DCT: variants seen among roughly 807,000 people sequenced by gnomAD.
DCT encodes the protein L-dopachrome tautomerase.
In DCT, 47 loss-of-function variants were observed where a neutral mutation model predicts 53.0. The ratio of observed to expected loss-of-function variants is 0.89; its 90% CI spans 0.70 to 1.13. The LOEUF (loss-of-function observed/expected upper bound fraction) is 1.13, where lower values mean the gene tolerates loss of function less well. DCT is among the 50% of genes most tolerant of loss of function. DCT has a pLI of 0.00. For synonymous variants in DCT, 244 were observed against 237.0 expected, an observed-to-expected ratio of 1.03 and a Z score of -0.27; for missense variants, 669 against 637.4, an observed-to-expected ratio of 1.05 and a Z score of -0.53.
chr13:94,542,893 G>A, the DCT span, among the ~76,000 whole-genome samples: 1 of 152,130 alleles, frequency 6.6e-6, no homozygotes, highest in Middle Eastern at 3.4e-3. Flanking sequence ...ATGTTGCCAA[G>A]GACACAGTTT....
chr13:94,521,813 G>A, the DCT span, among the ~76,000 whole-genome samples: 2 of 152,152 alleles, frequency 1.3e-5, no homozygotes, highest in South Asian at 4.1e-4. Flanking sequence ...ATGGCTTTTA[G>A]TATGTTCAAA....
Position 94,438,574 on chromosome 13 carries a change from C to A in DCT, c.*1324G>T, listed in dbSNP as rs1025507444. Reference sequence around the variant, plus strand: ...GTAGAGAGGGGCCTCGACAGACAAGCCACGCCCTAGAACTTCAGTCTCACT... The same window carrying A: ...GTAGAGAGGGGCCTCGACAGACAAGACACGCCCTAGAACTTCAGTCTCACT... On this transcript the variant is annotated 3_prime_UTR_variant, in exon 8 of 8. Transcript: ENST00000377028. 3 of 455,692 alleles carry A rather than the reference C, an allele frequency of 6.6e-6. No homozygotes were observed. Among genetic ancestry groups the A allele is most frequent in the African/African-American group, 6.0e-5 (3 of 50,036 alleles). The allele number at this position is 455,692 out of a possible 1,614,324, so 28.2% of individuals were successfully genotyped here.
At chr13:94,525,824 C>G in the DCT span, among the ~76,000 whole-genome samples, 28 of 152,120 alleles carry the variant, frequency 1.8e-4, 1 homozygote, top group African/African-American at 6.0e-4. Flanking sequence ...GAGACTCTGT[C>G]TCTACAAAAC....
At chr13:94,474,921 T>C (rs1353211259) in intron 1 of DCT, among the ~76,000 whole-genome samples, 1 of 152,164 alleles carries the variant, frequency 6.6e-6, no homozygotes, top group East Asian at 1.9e-4. Flanking sequence ...TTAACAACAT[T>C]TGGGGTCATC....
At chr13:94,491,817 C>A in the DCT span, among the ~76,000 whole-genome samples, 1 of 152,168 alleles carries the variant, frequency 6.6e-6, no homozygotes, top group Non-Finnish European at 1.5e-5. Flanking sequence ...ATTTGTCAAT[C>A]AGTACTGGAT....
chr13:94,460,295 G>T, intron 5 of DCT, 69 bp from the exon 6 acceptor site: 1 of 1,444,460 alleles, frequency 6.9e-7, no homozygotes, highest in Non-Finnish European at 9.6e-7. Context: ...GTTGTTTTCA[G>T]CCTAGATAAT....
At chr13:94,537,468 C>T in the DCT span, among the ~76,000 whole-genome samples, 3 of 152,204 alleles carry the variant, frequency 2.0e-5, no homozygotes, top group African/African-American at 7.2e-5. Flanking sequence ...TGGCAGATGG[C>T]CGTTCCTAAA....
At chr13:94,476,469 C>CTTTTTT (rs57154236) in intron 1 of DCT, among the ~76,000 whole-genome samples, 24 of 111,032 alleles carry the variant, frequency 2.2e-4, no homozygotes, top group African/African-American at 5.2e-4. Context: ...TTGGCACTTT[C>CTTTTTT]TTTTTTTTTT....
intron 6 of DCT, chr13:94,452,786 A>G (rs1203148505): frequency 2.0e-6 from 1 of 505,414 alleles, no homozygotes; most frequent in East Asian, 3.4e-5. Context: ...AATGCCCTTC[A>G]GAACTGAAAT....
chr13:94,511,650 G>A, the DCT span, among the ~76,000 whole-genome samples: 40 of 152,000 alleles, frequency 2.6e-4, no homozygotes, highest in Admixed American at 2.2e-3. Flanking sequence ...GTGAGCCACC[G>A]CATCCGGCCT....
Position 94,439,902 on chromosome 13 carries a change from G to A in DCT, c.1556C>T (p.Ala519Val). 1 of 1,613,000 alleles carries A rather than the reference G, an allele frequency of 6.2e-7. No homozygotes were observed. The highest frequency in any genetic ancestry group is 8.5e-7 in the Non-Finnish European group (1 of 1,179,512). The change falls in exon 8 of 8, where the codon GCC (alanine) becomes GTC (valine). Residue 519 changes from alanine to valine, a missense_variant. Physicochemically the swap from Ala to Val is moderately conservative, Grantham distance 64 (BLOSUM62 0). Transcript: ENST00000377028. ...HLSSKRYTEE[A>V] Reference sequence around the variant, plus strand: ...CTTAGGTAAGGCATGAGCACCCTAGGCTTCTTCTGTGTATCTCTTGCTGCT... The same window carrying A: ...CTTAGGTAAGGCATGAGCACCCTAGACTTCTTCTGTGTATCTCTTGCTGCT...
the DCT span, among the ~76,000 whole-genome samples, chr13:94,498,155 G>T: frequency 6.6e-6 from 1 of 152,180 alleles, no homozygotes; most frequent in Non-Finnish European, 1.5e-5. Context: ...GTCAAGAATT[G>T]CATGTGGATA....
intron 6 of DCT, among the ~76,000 whole-genome samples, chr13:94,453,760 T>C (rs189233416): frequency 1.3e-5 from 2 of 152,220 alleles, no homozygotes; most frequent in African/African-American, 4.8e-5. Context: ...ACAAGTTCTC[T>C]CTTGGCTGCC....
the DCT span, among the ~76,000 whole-genome samples, chr13:94,486,981 T>G: frequency 6.6e-6 from 1 of 152,180 alleles, no homozygotes; most frequent in Non-Finnish European, 1.5e-5. Flanking sequence ...AAAACAGGGC[T>G]TAGAGAAGAG....
chr13:94,478,000 G>A (rs1885210267), intron 1 of DCT, among the ~76,000 whole-genome samples: 1 of 152,124 alleles, frequency 6.6e-6, no homozygotes, highest in African/African-American at 2.4e-5. Context: ...GCCCCAAAGA[G>A]CTAGAGGAAT....
the DCT span, among the ~76,000 whole-genome samples, chr13:94,511,041 T>C: frequency 5.9e-5 from 9 of 152,256 alleles, no homozygotes; most frequent in Non-Finnish European, 1.3e-4. Context: ...TCTAATTTAT[T>C]GTAGACACCT....
rs115600379 is a variant in DCT at position 94,454,241 on chromosome 13, G to T, written c.1179+5850C>A. Among the ~76,000 whole-genome samples the T allele has an allele frequency of 1.5e-3, 233 of 152,204 alleles. 1 individual carries two copies. The highest frequency in any genetic ancestry group is 5.3e-3 in the African/African-American group (221 of 41,524). ...GCACGAGCTGTTTAGTATTAATTATGGAACCTATGGACCCCCCAGCCACTG... is the reference window on the plus strand; with the variant it reads ...GCACGAGCTGTTTAGTATTAATTATTGAACCTATGGACCCCCCAGCCACTG... On this transcript the variant is annotated intron_variant, in intron 6 of 7. Transcript: ENST00000377028.
At chr13:94,534,106 CAA>C in the DCT span, among the ~76,000 whole-genome samples, 455 of 151,666 alleles carry the variant, frequency 3.0e-3, 1 homozygote, top group African/African-American at 0.011. Context: ...TCCACATTCA[CAA>C]GTTTCCCCAT....
intron 1 of DCT, among the ~76,000 whole-genome samples, chr13:94,476,433 T>C (rs1885089235): frequency 6.6e-6 from 1 of 151,140 alleles, no homozygotes; most frequent in South Asian, 2.1e-4. Flanking sequence ...TTCTATGCAA[T>C]GCAGATTTAC....
Sources: allele counts gnomAD v4.1 joint callset (sites outside exome capture counted in the v4.1 genomes callset), GRCh38; gene constraint gnomAD v4.1.1; transcripts MANE v1.5; gene names NCBI Gene and HGNC (gene_info 2026-07-23, HGNC 2026-07-21).